SERINC5: variants seen among roughly 807,000 people sequenced by gnomAD.
SERINC5 encodes serine incorporator 5, also known as chromosome 5 open reading frame 12.
SERINC5 carries 41 observed loss-of-function variants against 63.1 expected under a neutral mutation model. The ratio of observed to expected loss-of-function variants is 0.65; its 90% CI spans 0.51 to 0.84. SERINC5 has a LOEUF of 0.84. Ranked by LOEUF, SERINC5 falls within the 40% of genes least tolerant of loss-of-function variation. SERINC5 has a pLI of 0.00. For synonymous variants in SERINC5, 222 were observed against 215.2 expected (o/e 1.03, Z -0.28); for missense variants, 523 against 573.0 (o/e 0.91, Z 0.89).
intron 1 of SERINC5, among the ~76,000 whole-genome samples, chr5:80,236,926 T>C (rs1751718689): frequency 6.6e-6 from 1 of 152,152 alleles, no homozygotes; most frequent in African/African-American, 2.4e-5. Flanking sequence ...GTCATCTCAC[T>C]GAAACCTCCA....
At chr5:80,201,342 CCTCT>C (rs1186499398) in intron 2 of SERINC5, among the ~76,000 whole-genome samples, 1 of 152,130 alleles carries the variant, frequency 6.6e-6, no homozygotes. Context: ...CTTTCTTCTC[CCTCT>C]ATCTCTAGGA....
At chr5:80,184,363 G>A (rs75535644) in intron 2 of SERINC5, among the ~76,000 whole-genome samples, 5,646 of 152,022 alleles carry the variant, frequency 0.037, 370 homozygotes, top group African/African-American at 0.13. Flanking sequence ...GACCTTCTCT[G>A]CCTCCCTACC....
downstream of SERINC5, among the ~76,000 whole-genome samples, chr5:80,138,384 T>A (rs1580046891): frequency 1.3e-5 from 2 of 152,182 alleles, no homozygotes; most frequent in African/African-American, 4.8e-5. Context: ...TCACCTGTAG[T>A]CAGGAGTTCA....
At chr5:80,184,956 A>T (rs925100755) in intron 2 of SERINC5, among the ~76,000 whole-genome samples, 8 of 152,078 alleles carry the variant, frequency 5.3e-5, no homozygotes, top group African/African-American at 1.7e-4. Flanking sequence ...GGTTCACTGC[A>T]ACCTCTGCCT....
At position 80,169,486 on chromosome 5, in the gene SERINC5, G is replaced by C. The variant is rs1271040060; in HGVS notation, c.612C>G (p.Ile204Met). Residue 204 changes from isoleucine to methionine, a missense_variant, in exon 6 of 12, where the codon ATC (isoleucine) becomes ATG (methionine). By Grantham distance (10) the Ile-to-Met change is conservative. Transcript: ENST00000507668. ...WYASLALVTL[I>M]MYSIATGGLV... ...AGCCTCCAGTGGCAATGGAATACAT[G>C]ATGAGCGTCACCAGGGCCAGGGAGG... The C allele has an allele frequency of 5.0e-6, 8 of 1,613,908 alleles. No homozygotes were observed. The highest frequency in any genetic ancestry group is 3.3e-5 in the South Asian group (3 of 91,078).
intron 11 of SERINC5, among the ~76,000 whole-genome samples, chr5:80,132,208 A>C (rs1276873656): frequency 1.3e-5 from 2 of 152,178 alleles, no homozygotes; most frequent in South Asian, 2.1e-4. Context: ...TTTGTTACTG[A>C]TGACAAAAGA....
intron 5 of SERINC5, among the ~76,000 whole-genome samples, chr5:80,170,275 G>A (rs1418007005): frequency 2.0e-5 from 3 of 152,164 alleles, no homozygotes; most frequent in Non-Finnish European, 2.9e-5. Context: ...GACTTAGGTC[G>A]CAGACCTAAA....
At chr5:80,211,438 C>A in intron 1 of SERINC5, among the ~76,000 whole-genome samples, 1 of 152,158 alleles carries the variant, frequency 6.6e-6, no homozygotes, top group South Asian at 2.1e-4. Context: ...CTGTACATGT[C>A]TGACAGGATT....
At chr5:80,180,976 C>A (rs990414257) in intron 2 of SERINC5, among the ~76,000 whole-genome samples, 1 of 152,082 alleles carries the variant, frequency 6.6e-6, no homozygotes, top group Admixed American at 6.6e-5. Context: ...GGTTTAGGGA[C>A]CAGCAGAGAA....
chr5:80,115,752 A>G (rs1197738076), intron 11 of SERINC5, among the ~76,000 whole-genome samples: 1 of 152,050 alleles, frequency 6.6e-6, no homozygotes, highest in Non-Finnish European at 1.5e-5. Context: ...TATAATTTCA[A>G]TCCCAGTTGC....
intron 1 of SERINC5, among the ~76,000 whole-genome samples, chr5:80,226,336 G>A (rs1473503372): frequency 1.3e-5 from 2 of 152,310 alleles, no homozygotes; most frequent in East Asian, 3.9e-4. Flanking sequence ...TTTGACAGAT[G>A]AGGAAATCTG....
In SERINC5 at chr5:80,143,702, G is replaced by T. The variant is rs1455613768; in HGVS notation, c.1347C>A (p.Val449=). ...ICVLLYLCTL[V]APLCCPTREF... ...CCCGGGTGGGGCAGCAGAGGGGAGC[G>T]ACCAGCGTACACAGGTACAACAGCA... Residue 449 remains valine, a synonymous_variant, in exon 12 of 12, where the codon GTC becomes GTA. Coordinates refer to ENST00000507668, the MANE Select transcript of SERINC5 (RefSeq NM_001174072.3). 8 of 1,535,980 alleles carry T rather than the reference G, an allele frequency of 5.2e-6. No homozygotes were observed. The African/African-American group carries it at 6.8e-5, about 13-fold the overall frequency.
rs1229650111 is a variant in SERINC5, at chr5:80,150,912, C to T, written c.1023G>A (p.Leu341=). 1 of 1,613,514 alleles carries T rather than the reference C, an allele frequency of 6.2e-7. No homozygotes were observed. Among genetic ancestry groups the T allele is most frequent in the Non-Finnish European group, 8.5e-7 (1 of 1,179,444 alleles). The change falls in exon 9 of 12, where the codon CTG becomes CTA. Residue 341 remains leucine (L), a synonymous_variant. Coordinates refer to ENST00000507668, the MANE Select transcript of SERINC5 (RefSeq NM_001174072.3). ...TSTTRSSSDA[L]QGRYAAPELE... ...ATTCAGGAGCTGCGTATCGCCCCTG[C>T]AGAGCGTCAGAACTCGATCTTGTTG...
chr5:80,193,726 CA>C (rs1341329713), intron 2 of SERINC5, among the ~76,000 whole-genome samples: 5 of 152,170 alleles, frequency 3.3e-5, no homozygotes, highest in Non-Finnish European at 2.9e-5. Context: ...GCCTCCAGTA[CA>C]AAACGATTTC....
intron 2 of SERINC5, among the ~76,000 whole-genome samples, chr5:80,187,349 C>G (rs1748873932): frequency 6.6e-6 from 1 of 152,168 alleles, no homozygotes. Flanking sequence ...AAATGCATTT[C>G]AGAACCTAGA....
Position 80,146,132 on chromosome 5 carries a change from AG to A in SERINC5, c.1195del (p.Leu399Ter), listed in dbSNP as rs1363030876. On this transcript the variant is annotated frameshift_variant, in exon 11 of 12. Transcript: ENST00000507668. LOFTEE classifies it high-confidence loss of function. ...IYSYFHFVFF[L>X]ASLYVMMTVT... Reference sequence around the variant, plus strand: ...GGTCATCATCACATACAGGGAAGCTAGGAAGAACACGAAGTGGAAGTAGGAG... The same window carrying A: ...GGTCATCATCACATACAGGGAAGCTAGAAGAACACGAAGTGGAAGTAGGAG... The A allele has an allele frequency of 6.2e-7, 1 of 1,613,914 alleles. No homozygotes were observed. Among genetic ancestry groups the A allele is most frequent in the African/African-American group, 1.3e-5 (1 of 74,944 alleles).
At chr5:80,229,688 G>A (rs1307879649) in intron 1 of SERINC5, among the ~76,000 whole-genome samples, 1 of 152,162 alleles carries the variant, frequency 6.6e-6, no homozygotes, top group East Asian at 1.9e-4. Flanking sequence ...TTATAATGAT[G>A]AACATCTGTA....
At chr5:80,168,845 G>A (rs1747471261) in intron 6 of SERINC5, among the ~76,000 whole-genome samples, 1 of 152,174 alleles carries the variant, frequency 6.6e-6, no homozygotes, top group South Asian at 2.1e-4. Flanking sequence ...TGGGTCTAAG[G>A]AAGGTTAGCA....
intron 9 of SERINC5, 49 bp from the exon 10 acceptor site, chr5:80,147,333 C>A (rs2112307604): frequency 1.9e-6 from 3 of 1,584,690 alleles, no homozygotes; most frequent in African/African-American, 2.7e-5. Context: ...TATTTCTAGT[C>A]CACCTCAGCA....
Sources: allele counts gnomAD v4.1 joint callset (sites outside exome capture counted in the v4.1 genomes callset), GRCh38; gene constraint gnomAD v4.1.1; transcripts MANE v1.5; gene names NCBI Gene and HGNC (gene_info 2026-07-23, HGNC 2026-07-21).